The following NEGR1 variants were observed in gnomAD, a reference collection of about 807,000 sequenced individuals.
NEGR1 encodes the protein neuronal growth regulator 1.
A neutral mutation model predicts 40.9 loss-of-function variants in NEGR1; 10 were observed. That is an observed-to-expected ratio of 0.24 (90% CI 0.15 to 0.42). NEGR1 has a LOEUF of 0.42. NEGR1 is among the 10% of genes least tolerant of loss of function. The pLI is 1.00. For synonymous variants in NEGR1, 185 were observed against 166.8 expected, an observed-to-expected ratio of 1.11 and a Z score of -0.84; for missense variants, 352 against 438.9, an observed-to-expected ratio of 0.80 and a Z score of 1.77.
At chr1:71,786,840 C>T (rs1250889172) in intron 2 of NEGR1, among the ~76,000 whole-genome samples, 3 of 152,184 alleles carry the variant, frequency 2.0e-5, no homozygotes, top group Non-Finnish European at 4.4e-5. Context: ...TATTTGACTT[C>T]CAAACTGGGA....
intron 1 of NEGR1, among the ~76,000 whole-genome samples, chr1:72,246,399 A>G (rs1016385639): frequency 1.3e-5 from 2 of 152,140 alleles, no homozygotes; most frequent in African/African-American, 4.8e-5. Flanking sequence ...AATGTAGCAA[A>G]TTTAATTCAC....
intron 6 of NEGR1, among the ~76,000 whole-genome samples, chr1:71,481,138 G>A (rs561136426): frequency 3.3e-5 from 5 of 151,868 alleles, no homozygotes; most frequent in Admixed American, 2.6e-4. Flanking sequence ...TCTCTTGCTT[G>A]AGGTCACATA....
chr1:71,878,027 A>G (rs969088012), intron 2 of NEGR1, among the ~76,000 whole-genome samples: 5 of 152,186 alleles, frequency 3.3e-5, no homozygotes, highest in African/African-American at 1.2e-4. Context: ...AAAGTTAGAA[A>G]TGACTTCAAA....
chr1:72,018,496 T>G, intron 1 of NEGR1, among the ~76,000 whole-genome samples: 1 of 152,282 alleles, frequency 6.6e-6, no homozygotes, highest in East Asian at 1.9e-4. Flanking sequence ...ATTATGTACG[T>G]TTTATGACAT....
At chr1:72,016,614 A>T (rs972862722) in intron 1 of NEGR1, among the ~76,000 whole-genome samples, 1 of 152,198 alleles carries the variant, frequency 6.6e-6, no homozygotes, top group African/African-American at 2.4e-5. Context: ...AAATGCTGAG[A>T]TCTTGCTTTC....
chr1:71,991,852 C>T (rs1411586849), intron 1 of NEGR1, among the ~76,000 whole-genome samples: 1 of 152,152 alleles, frequency 6.6e-6, no homozygotes, highest in African/African-American at 2.4e-5. Flanking sequence ...AGTGCAGTGG[C>T]ACGATCTCGA....
chr1:71,495,508 T>A (rs357223), intron 6 of NEGR1, among the ~76,000 whole-genome samples: 101,863 of 149,592 alleles, frequency 0.68, 34,822 homozygotes, highest in Middle Eastern at 0.72. Flanking sequence ...ACAAGAAAAA[T>A]AAGTTATACA....
intron 2 of NEGR1, among the ~76,000 whole-genome samples, chr1:71,854,838 T>C (rs1659712766): frequency 6.6e-6 from 1 of 152,098 alleles, no homozygotes; most frequent in South Asian, 2.1e-4. Context: ...TTCAATTACC[T>C]TCCACCAGGT....
intron 2 of NEGR1, among the ~76,000 whole-genome samples, chr1:71,855,262 C>A (rs534141378): frequency 3.9e-5 from 6 of 152,220 alleles, no homozygotes; most frequent in East Asian, 3.9e-4. Flanking sequence ...AAATCCCTGA[C>A]CTGCCAAGTG....
At chr1:71,570,078 T>G (rs1390111263) in intron 6 of NEGR1, among the ~76,000 whole-genome samples, 1 of 152,230 alleles carries the variant, frequency 6.6e-6, no homozygotes, top group South Asian at 2.1e-4. Context: ...AAAGTTTCAA[T>G]GCAAGATAAT....
intron 4 of NEGR1, among the ~76,000 whole-genome samples, chr1:71,687,571 G>T (rs1653080264): frequency 6.6e-6 from 1 of 152,108 alleles, no homozygotes; most frequent in Admixed American, 6.5e-5. Context: ...GTGCAGCATC[G>T]TTCTAAAGGA....
At chr1:71,913,357 C>T (rs566472556) in intron 2 of NEGR1, among the ~76,000 whole-genome samples, 21 of 152,256 alleles carry the variant, frequency 1.4e-4, no homozygotes, top group South Asian at 8.3e-4. Flanking sequence ...TCAGATGATT[C>T]GCCCACCTCA....
intron 1 of NEGR1, among the ~76,000 whole-genome samples, chr1:71,990,757 C>T (rs1341057583): frequency 6.6e-6 from 1 of 151,944 alleles, no homozygotes; most frequent in Non-Finnish European, 1.5e-5. Flanking sequence ...TCTAATACTT[C>T]CTAATTTTCA....
intron 6 of NEGR1, among the ~76,000 whole-genome samples, chr1:71,479,545 A>T (rs953424967): frequency 6.6e-6 from 1 of 151,924 alleles, no homozygotes; most frequent in African/African-American, 2.4e-5. Context: ...GGTGTTATTT[A>T]TTCATTTCTA....
chr1:71,830,700 T>C (rs1294786172), intron 2 of NEGR1, among the ~76,000 whole-genome samples: 2 of 151,980 alleles, frequency 1.3e-5, no homozygotes, highest in Non-Finnish European at 2.9e-5. Flanking sequence ...CCCATTTCAT[T>C]AGGATACTAC....
intron 2 of NEGR1, among the ~76,000 whole-genome samples, chr1:71,816,896 T>C (rs920466721): frequency 6.6e-6 from 1 of 151,924 alleles, no homozygotes; most frequent in Non-Finnish European, 1.5e-5. Flanking sequence ...CCTAATATTA[T>C]CTACTTTTAA....
At chr1:71,511,033 C>G (rs1647069573) in intron 6 of NEGR1, among the ~76,000 whole-genome samples, 1 of 152,188 alleles carries the variant, frequency 6.6e-6, no homozygotes, top group Non-Finnish European at 1.5e-5. Context: ...AAGTCTAGGG[C>G]AGACTTCCAC....
intron 1 of NEGR1, among the ~76,000 whole-genome samples, chr1:72,165,786 C>T (rs1053509606): frequency 6.6e-6 from 1 of 151,964 alleles, no homozygotes; most frequent in Non-Finnish European, 1.5e-5. Flanking sequence ...GTATGCTTTC[C>T]ACTATTCTTA....
At chr1:72,068,446 C>T (rs1001357960) in intron 1 of NEGR1, among the ~76,000 whole-genome samples, 3 of 152,152 alleles carry the variant, frequency 2.0e-5, no homozygotes, top group Admixed American at 2.0e-4. Flanking sequence ...CTCTGACTAC[C>T]TGCCAGTGGA....
Sources: allele counts gnomAD v4.1 joint callset (sites outside exome capture counted in the v4.1 genomes callset), GRCh38; gene constraint gnomAD v4.1.1; transcripts MANE v1.5; gene names NCBI Gene and HGNC (gene_info 2026-07-23, HGNC 2026-07-21).